The following ACACB variants were observed in gnomAD, a reference collection of about 807,000 sequenced individuals.
ACACB encodes the protein acetyl-CoA carboxylase 2.
In ACACB, 209 loss-of-function variants were observed where a neutral mutation model predicts 278.8. That is an observed-to-expected ratio of 0.75 (90% confidence interval 0.67 to 0.84). The LOEUF (loss-of-function observed/expected upper bound fraction) is 0.84. Ranked by LOEUF, ACACB falls within the 40% of genes least tolerant of loss-of-function variation. The pLI is 0.00. For missense variants in ACACB, 2,850 were observed against 3,269.0 expected, an observed-to-expected ratio of 0.87 and a Z score of 3.13; for synonymous variants, 1,174 against 1,285.6, an observed-to-expected ratio of 0.91 and a Z score of 1.86.
At chr12:109,265,590 G>C (rs1020374463) in intron 52 of ACACB, 65 bp downstream of exon 52, 63 of 1,573,614 alleles carry the variant, frequency 4.0e-5, no homozygotes, top group Non-Finnish European at 5.3e-5. Context: ...TTGACCCCTA[G>C]CTACCCGACT....
At position 109,256,227 on chromosome 12, in the gene ACACB, G is replaced by A. The variant is rs2047220836; in HGVS notation, c.6254G>A (p.Gly2085Glu). ...MAPWAQTVVT[G>E]RARLGGIPVG... ...CCCTGGGCGCAGACCGTGGTGACAGGACGAGCAAGGTAATCATGAAGACGG... is the reference window on the plus strand; with the variant it reads ...CCCTGGGCGCAGACCGTGGTGACAGAACGAGCAAGGTAATCATGAAGACGG... The change falls in exon 45 of 53, where the codon GGA becomes GAA. Residue 2085 changes from glycine to glutamate, a missense_variant. Gly to Glu is a moderately conservative substitution (Grantham distance 98). Coordinates refer to ENST00000338432, the MANE Select transcript of ACACB (RefSeq NM_001093.4). 2 of 1,613,904 alleles carry A rather than the reference G, an allele frequency of 1.2e-6. No homozygotes were observed. The highest frequency in any genetic ancestry group is 1.1e-5 in the South Asian group (1 of 91,066).
chr12:109,139,065 C>T (rs1224352663), intron 1 of ACACB, among the ~76,000 whole-genome samples: 2 of 152,230 alleles, frequency 1.3e-5, no homozygotes, highest in Admixed American at 6.5e-5. Context: ...CTGGCAACCA[C>T]TAATCTGTTT....
At chr12:109,146,791 C>T (rs2043253650) in intron 2 of ACACB, among the ~76,000 whole-genome samples, 1 of 152,162 alleles carries the variant, frequency 6.6e-6, no homozygotes, top group Non-Finnish European at 1.5e-5. Context: ...CCTCCCGTCT[C>T]AGCCTCCTGA....
In ACACB at chr12:109,262,435, C is replaced by T. The variant is rs201825944; in HGVS notation, c.6753C>T (p.Ile2251=). 51 of 1,613,534 alleles carry T rather than the reference C, an allele frequency of 3.2e-5. No homozygotes were observed. Among genetic ancestry groups the T allele is most frequent in the South Asian group, 5.5e-5 (5 of 90,926 alleles). The part of the protein sequence containing the change: ...KKDLIKSMRR[I]DPAYKKLMEQ... The stretch of plus-strand genomic sequence containing the variant: ...ATCTGATAAAGTCCATGAGAAGGAT[C>T]GATCCAGCTTACAAGAAGCTCATGG... The change falls in exon 49 of 53, where the codon ATC becomes ATT. Residue 2251 remains isoleucine, a synonymous_variant. Coordinates refer to ENST00000338432, the MANE Select transcript of ACACB (RefSeq NM_001093.4).
At chr12:109,138,384 C>T (rs2043019878) in intron 1 of ACACB, among the ~76,000 whole-genome samples, 1 of 152,150 alleles carries the variant, frequency 6.6e-6, no homozygotes, top group Non-Finnish European at 1.5e-5. Flanking sequence ...AGAAAACAGT[C>T]TCCCGAGGCT....
At chr12:109,193,976 A>G (rs2044996364) in intron 16 of ACACB, among the ~76,000 whole-genome samples, 2 of 152,204 alleles carry the variant, frequency 1.3e-5, no homozygotes, top group South Asian at 4.1e-4. Context: ...TGCGGTAACA[A>G]GGTACCACAA....
At chr12:109,190,708 G>T (rs2044843592) in intron 13 of ACACB, among the ~76,000 whole-genome samples, 1 of 151,778 alleles carries the variant, frequency 6.6e-6, no homozygotes, top group Non-Finnish European at 1.5e-5. Context: ...GCTCACTGCA[G>T]CCTCAAACTC....
chr12:109,242,342 C>T, intron 36 of ACACB, 95 bp from the exon 37 acceptor site: 1 of 1,403,214 alleles, frequency 7.1e-7, no homozygotes, highest in Non-Finnish European at 9.9e-7. Context: ...GCTTTGCTTC[C>T]CCCACCTGCA....
chr12:109,210,495 A>ACATACATGTG (rs2045800274), intron 21 of ACACB, among the ~76,000 whole-genome samples: 1 of 148,522 alleles, frequency 6.7e-6, no homozygotes, highest in Admixed American at 6.7e-5. Context: ...GTATATATAC[A>ACATACATGTG]TGTATGTGTA....
chr12:109,240,554 T>C (rs745696360), intron 35 of ACACB, among the ~76,000 whole-genome samples: 2 of 148,352 alleles, frequency 1.3e-5, no homozygotes, highest in Non-Finnish European at 3.0e-5. Context: ...AATATTAATA[T>C]CGATATATTA....
rs904050057 is a variant in ACACB at position 109,164,495 on chromosome 12, G to A, written c.654-2366G>A. 2.6e-5 allele frequency among the ~76,000 whole-genome samples: 4 copies of A among 152,216 alleles called. No homozygotes were observed. In the South Asian group the frequency reaches 8.3e-4, roughly 32 times the overall value. ...GATCTACCCACCTCAGCCTCCCAAA[G>A]TGCTAGGATTACAGGCATGAGCCAC... On this transcript the variant is annotated intron_variant, in intron 2 of 52. Coordinates refer to ENST00000338432, the MANE Select transcript of ACACB (RefSeq NM_001093.4).
chr12:109,163,169 C>G (rs1040239179), intron 2 of ACACB, among the ~76,000 whole-genome samples: 1 of 152,206 alleles, frequency 6.6e-6, no homozygotes, highest in African/African-American at 2.4e-5. Context: ...AGGTGATTCA[C>G]CTGCCTCGGC....
At chr12:109,191,441 T>C in intron 13 of ACACB, 172 bp from the exon 14 acceptor site, 1 of 665,998 alleles carries the variant, frequency 1.5e-6, no homozygotes, top group Admixed American at 3.1e-5. Flanking sequence ...CTTGAACTCC[T>C]GACCTCAAGT....
At chr12:109,183,356 T>C (rs2044545375) in intron 11 of ACACB, among the ~76,000 whole-genome samples, 1 of 152,210 alleles carries the variant, frequency 6.6e-6, no homozygotes, top group Non-Finnish European at 1.5e-5. Context: ...GCACTGAATC[T>C]ATAGATTGCT....
At chr12:109,238,794 A>G (rs2046712362) in intron 34 of ACACB, among the ~76,000 whole-genome samples, 1 of 151,616 alleles carries the variant, frequency 6.6e-6, no homozygotes, top group Admixed American at 6.6e-5. Context: ...GAAACTGCCG[A>G]CCTCAGGTGA....
At position 109,168,054 on chromosome 12, in the gene ACACB, C is replaced by T; in HGVS notation, c.925+20C>T. ...ACGCAGGTACCTGGGCCTTGACCCTCTCCTCCCATCACGCTCCATCCTTGC... is the reference window on the plus strand; with the variant it reads ...ACGCAGGTACCTGGGCCTTGACCCTTTCCTCCCATCACGCTCCATCCTTGC... On this transcript the variant is annotated intron_variant, in intron 4 of 52. Transcript: ENST00000338432. The T allele has an allele frequency of 6.3e-7, 1 of 1,591,350 alleles. No homozygotes were observed. The highest frequency in any genetic ancestry group is 8.6e-7 in the Non-Finnish European group (1 of 1,167,590).
rs1252028608 is a variant in ACACB at position 109,222,909 on chromosome 12, C to T, written c.3789C>T (p.Leu1263=). 1.9e-6 allele frequency: 3 copies of T among 1,604,328 alleles called. No homozygotes were observed. The Admixed American group carries it at 5.1e-5, about 27-fold the overall frequency. Reference sequence around the variant, plus strand: ...GCCACCAGTTCTGCCCCGAGAACCTCAAGGTGAGCCCGTCTCCTTCCTTTC... The same window carrying T: ...GCCACCAGTTCTGCCCCGAGAACCTTAAGGTGAGCCCGTCTCCTTCCTTTC... ...MYGHQFCPEN[L]KKLILSETTI... The change falls in exon 26 of 53, where the codon CTC becomes CTT. Residue 1263 remains leucine, a synonymous_variant. Transcript: ENST00000338432.
intron 2 of ACACB, among the ~76,000 whole-genome samples, chr12:109,147,067 A>G: frequency 6.6e-6 from 1 of 152,108 alleles, no homozygotes. Flanking sequence ...CTCTACTGCT[A>G]GCTCTTTGCC....
chr12:109,162,642 G>T (rs1172955603), intron 2 of ACACB, among the ~76,000 whole-genome samples: 1 of 152,156 alleles, frequency 6.6e-6, no homozygotes, highest in African/African-American at 2.4e-5. Flanking sequence ...GAAGATAAGG[G>T]TCTGAATAGG....
Sources: gnomAD v4.1 joint callset for allele counts (sites outside exome capture counted in the v4.1 genomes callset) on GRCh38, gnomAD v4.1.1 for gene constraint, MANE v1.5 for transcripts, NCBI Gene and HGNC (gene_info 2026-07-23, HGNC 2026-07-21) for gene names.